BCKDHB: variants seen among roughly 807,000 people sequenced by gnomAD.
BCKDHB encodes 2-oxoisovalerate dehydrogenase subunit beta, mitochondrial.
BCKDHB carries 41 observed loss-of-function variants against 48.5 expected under a neutral mutation model. That is an observed-to-expected ratio of 0.85 (90% confidence interval 0.66 to 1.10). The LOEUF is 1.10. Among genes scored for constraint, BCKDHB ranks in the 50% least tolerant of loss-of-function variants. The probability of loss-of-function intolerance (pLI) is 0.00; values close to 1 mark genes in which losing one functional copy is unlikely to be tolerated. For missense variants in BCKDHB, 496 were observed against 494.2 expected (o/e 1.00, Z -0.03); for synonymous variants, 201 against 174.8 (o/e 1.15, Z -1.18).
chr6:80,210,773 G>T (rs1345375782), intron 8 of BCKDHB, among the ~76,000 whole-genome samples: 1 of 152,100 alleles, frequency 6.6e-6, no homozygotes. Context: ...CAGCTCAGCT[G>T]TCATGCTGAT....
intron 8 of BCKDHB, among the ~76,000 whole-genome samples, chr6:80,215,892 C>T (rs1775149994): frequency 6.6e-6 from 1 of 152,166 alleles, no homozygotes; most frequent in Non-Finnish European, 1.5e-5. Flanking sequence ...CAGGCGTGCA[C>T]CACCATGCCC....
the BCKDHB span, among the ~76,000 whole-genome samples, chr6:80,366,677 T>G: frequency 1.3e-5 from 2 of 152,160 alleles, no homozygotes; most frequent in African/African-American, 2.4e-5. Flanking sequence ...CACAAGCCAG[T>G]TCCTCTATCC....
chr6:80,222,461 A>T (rs1775500472), intron 8 of BCKDHB, among the ~76,000 whole-genome samples: 1 of 152,204 alleles, frequency 6.6e-6, no homozygotes, highest in Non-Finnish European at 1.5e-5. Context: ...AGCTAAAGAA[A>T]GACTCATTGC....
chr6:80,337,865 C>T (rs1167381362), intron 9 of BCKDHB, among the ~76,000 whole-genome samples: 1 of 152,104 alleles, frequency 6.6e-6, no homozygotes, highest in African/African-American at 2.4e-5. Flanking sequence ...CCTGTTTTGA[C>T]TTATGATATG....
the BCKDHB span, among the ~76,000 whole-genome samples, chr6:80,410,694 A>G: frequency 0.39 from 58,535 of 151,940 alleles, 14,051 homozygotes; most frequent in Non-Finnish European, 0.54. Flanking sequence ...CATTAATTTG[A>G]TCTTCAATCA....
At chr6:80,260,987 G>C (rs1360954847) in intron 8 of BCKDHB, among the ~76,000 whole-genome samples, 1 of 152,084 alleles carries the variant, frequency 6.6e-6, no homozygotes, top group Non-Finnish European at 1.5e-5. Flanking sequence ...TATTCAAAAA[G>C]AATAAAAAGG....
At chr6:80,393,236 A>G in the BCKDHB span, among the ~76,000 whole-genome samples, 1 of 152,136 alleles carries the variant, frequency 6.6e-6, no homozygotes, top group Admixed American at 6.6e-5. Flanking sequence ...TCTCCCACGG[A>G]AGATTAATTC....
chr6:80,156,742 G>A (rs1363089356), intron 3 of BCKDHB, among the ~76,000 whole-genome samples: 6 of 152,036 alleles, frequency 3.9e-5, no homozygotes, highest in Admixed American at 3.3e-4. Flanking sequence ...TAGGTGAATA[G>A]GTATTCTTTT....
In BCKDHB at chr6:80,234,708, A is replaced by G. The variant is rs73482037; in HGVS notation, c.951+31496A>G. The stretch of plus-strand genomic sequence containing the variant: ...TGGCTGTGTATACTAAAAAAAAGAA[A>G]TCAACTTATGGAAGAGATATCTCTG... On this transcript the variant is annotated intron_variant, in intron 8 of 9. Transcript: ENST00000320393. Among the ~76,000 whole-genome samples the G allele has an allele frequency of 5.2e-3, 786 of 152,266 alleles. 8 individuals are homozygous for G. Among genetic ancestry groups the G allele is most frequent in the African/African-American group, 0.018 (754 of 41,556 alleles).
At chr6:80,397,271 C>T in the BCKDHB span, among the ~76,000 whole-genome samples, 22 of 152,184 alleles carry the variant, frequency 1.4e-4, no homozygotes, top group South Asian at 4.4e-3. Flanking sequence ...TATAGTTTCT[C>T]TTGTGACAAT....
At chr6:80,272,246 A>G (rs1255673852) in intron 8 of BCKDHB, among the ~76,000 whole-genome samples, 2 of 152,134 alleles carry the variant, frequency 1.3e-5, no homozygotes, top group Non-Finnish European at 2.9e-5. Flanking sequence ...AATGAATGAA[A>G]TCTTTTATTT....
intron 9 of BCKDHB, among the ~76,000 whole-genome samples, chr6:80,290,224 G>A (rs1031045638): frequency 6.6e-6 from 1 of 152,200 alleles, no homozygotes; most frequent in Non-Finnish European, 1.5e-5. Flanking sequence ...TCAGGTAGAA[G>A]GGGGCAAGAT....
chr6:80,248,325 A>G (rs1209477784), intron 8 of BCKDHB, among the ~76,000 whole-genome samples: 2 of 152,160 alleles, frequency 1.3e-5, no homozygotes, highest in Non-Finnish European at 2.9e-5. Flanking sequence ...AACATGGGAT[A>G]TAGTTCCAGA....
intron 9 of BCKDHB, among the ~76,000 whole-genome samples, chr6:80,285,141 C>G (rs1391466539): frequency 2.6e-4 from 39 of 152,100 alleles, no homozygotes; most frequent in Admixed American, 2.6e-3. Flanking sequence ...TATTTTTTAA[C>G]CATGAACTTT....
chr6:80,106,775 G>C lies in BCKDHB; in HGVS notation c.82G>C (p.Gly28Arg). The C allele has an allele frequency of 1.3e-6, 2 of 1,590,858 alleles. No homozygotes were observed. Among genetic ancestry groups the C allele is most frequent in the Non-Finnish European group, 1.7e-6 (2 of 1,169,842 alleles). The change falls in exon 1 of 10, where the codon GGC (glycine) becomes CGC (arginine). Residue 28 changes from glycine (G) to arginine (R), a missense_variant. By Grantham distance (125) the Gly-to-Arg change is moderately radical. Coordinates refer to ENST00000320393, the MANE Select transcript of BCKDHB (RefSeq NM_183050.4). ...GAEGHWRRLPGAGLARGFLHP... is the reference protein window; with the variant it reads ...GAEGHWRRLPRAGLARGFLHP... The stretch of plus-strand genomic sequence containing the variant: ...TGAGGGGCACTGGCGTCGGCTTCCT[G>C]GCGCGGGGCTGGCGCGGGGCTTTTT...
intron 9 of BCKDHB, among the ~76,000 whole-genome samples, chr6:80,331,723 T>G (rs1432650339): frequency 6.6e-6 from 1 of 152,184 alleles, no homozygotes; most frequent in East Asian, 1.9e-4. Flanking sequence ...AACTGCACAT[T>G]TGCTCTGCAG....
chr6:80,400,423 C>T, the BCKDHB span, among the ~76,000 whole-genome samples: 2 of 152,008 alleles, frequency 1.3e-5, no homozygotes, highest in Non-Finnish European at 2.9e-5. Flanking sequence ...TATGAACAGA[C>T]ACTTTTTAAG....
chr6:80,226,160 A>G (rs1775667469), intron 8 of BCKDHB, among the ~76,000 whole-genome samples: 1 of 152,206 alleles, frequency 6.6e-6, no homozygotes, highest in Admixed American at 6.5e-5. Flanking sequence ...TTCAGTGACT[A>G]TGTTAACATT....
At chr6:80,314,860 G>C (rs1042853975) in intron 9 of BCKDHB, among the ~76,000 whole-genome samples, 2 of 152,194 alleles carry the variant, frequency 1.3e-5, no homozygotes, top group Non-Finnish European at 2.9e-5. Context: ...CCTGCTTGAG[G>C]AAGCAGTCTG....
Sources: allele counts gnomAD v4.1 joint callset (sites outside exome capture counted in the v4.1 genomes callset), GRCh38; gene constraint gnomAD v4.1.1; transcripts MANE v1.5; gene names NCBI Gene and HGNC (gene_info 2026-07-23, HGNC 2026-07-21).